Variants in IGF2BP2 observed in about 807,000 individuals in gnomAD.
The protein encoded by IGF2BP2 is insulin-like growth factor 2 mRNA-binding protein 2.
Under a neutral mutation model 75.8 loss-of-function variants are expected in IGF2BP2, and 17 were observed. The observed-to-expected ratio is 0.22, with a 90% CI of 0.15 to 0.34. The LOEUF (loss-of-function observed/expected upper bound fraction) is 0.34. Among genes scored for constraint, IGF2BP2 ranks in the 10% least tolerant of loss-of-function variants. The probability of loss-of-function intolerance (pLI) is 1.00; values close to 1 mark genes in which losing one functional copy is unlikely to be tolerated. For missense variants in IGF2BP2, 516 were observed against 772.4 expected, an observed-to-expected ratio of 0.67 and a Z score of 3.93; for synonymous variants, 288 against 295.6, an observed-to-expected ratio of 0.97 and a Z score of 0.26.
chr3:185,674,495 TA>T (rs1719003769), intron 9 of IGF2BP2, among the ~76,000 whole-genome samples: 1 of 152,286 alleles, frequency 6.6e-6, no homozygotes, highest in African/African-American at 2.4e-5. Flanking sequence ...GTCTCCCCAT[TA>T]AGAGTAAAAA....
At chr3:185,781,906 G>A (rs549298474) in intron 2 of IGF2BP2, among the ~76,000 whole-genome samples, 2 of 152,032 alleles carry the variant, frequency 1.3e-5, no homozygotes, top group Non-Finnish European at 2.9e-5. Flanking sequence ...TGCATTTGTG[G>A]GATAAGGTCC....
chr3:185,814,435 T>C (rs1289953597), intron 2 of IGF2BP2, among the ~76,000 whole-genome samples: 1 of 152,204 alleles, frequency 6.6e-6, no homozygotes, highest in African/African-American at 2.4e-5. Flanking sequence ...AATCCAAAAA[T>C]ACTATATAGC....
Position 185,689,484 on chromosome 3 carries a change from G to C in IGF2BP2, c.548C>G (p.Pro183Arg), listed in dbSNP as rs375984098. The change falls in exon 6 of 16, where the codon CCT (proline) becomes CGT (arginine). Residue 183 changes from proline to arginine, a missense_variant. Physicochemically the swap from Pro to Arg is moderately radical, Grantham distance 103. This residue lies in a region of IGF2BP2 where 312 missense variants were observed against 474.5 expected (regional missense o/e 0.66). Transcript: ENST00000382199. Reference sequence around the variant, plus strand: ...CTGTCTGGCCTGAGAAGTGCCCCCAGGGGCGTGGCCTTGCTCCCGGGAAGA... The same window carrying C: ...CTGTCTGGCCTGAGAAGTGCCCCCACGGGCGTGGCCTTGCTCCCGGGAAGA... ...DHSSREQGHAPGGTSQARQID... is the reference protein window; with the variant it reads ...DHSSREQGHARGGTSQARQID... 3 of 1,613,952 alleles carry C rather than the reference G, an allele frequency of 1.9e-6. No individual in the cohort carries two copies. Among genetic ancestry groups the C allele is most frequent in the Non-Finnish European group, 2.5e-6 (3 of 1,179,898 alleles).
intron 2 of IGF2BP2, among the ~76,000 whole-genome samples, chr3:185,811,585 A>G (rs1739833653): frequency 6.6e-6 from 1 of 152,216 alleles, no homozygotes; most frequent in Non-Finnish European, 1.5e-5. Context: ...ATTTGGGAAC[A>G]CTGGCCCTAC....
chr3:185,712,239 T>A (rs1269842474), intron 2 of IGF2BP2, among the ~76,000 whole-genome samples: 2 of 152,190 alleles, frequency 1.3e-5, no homozygotes, highest in Admixed American at 6.5e-5. Context: ...GAATACCTTT[T>A]TTCCTTGGTG....
intron 2 of IGF2BP2, among the ~76,000 whole-genome samples, chr3:185,702,795 T>C (rs1382288118): frequency 1.3e-5 from 2 of 152,098 alleles, no homozygotes; most frequent in Non-Finnish European, 2.9e-5. Context: ...CCACCTGCAG[T>C]TCACAAGTGT....
chr3:185,721,513 A>G (rs543243271), intron 2 of IGF2BP2, among the ~76,000 whole-genome samples: 5 of 152,074 alleles, frequency 3.3e-5, no homozygotes, highest in African/African-American at 1.2e-4. Context: ...CTCTTCTTTC[A>G]AGCAGTTTTT....
intron 2 of IGF2BP2, among the ~76,000 whole-genome samples, chr3:185,781,168 A>T (rs1735151922): frequency 6.6e-6 from 1 of 152,210 alleles, no homozygotes; most frequent in African/African-American, 2.4e-5. Flanking sequence ...TATCCTCAAC[A>T]TAAAGTAGAT....
chr3:185,735,880 T>C (rs1166421165), intron 2 of IGF2BP2, among the ~76,000 whole-genome samples: 1 of 152,116 alleles, frequency 6.6e-6, no homozygotes, highest in Non-Finnish European at 1.5e-5. Context: ...AGTGAATGAA[T>C]GGGGGGTGGG....
intron 2 of IGF2BP2, among the ~76,000 whole-genome samples, chr3:185,799,507 G>C (rs970804346): frequency 6.6e-6 from 1 of 152,192 alleles, no homozygotes; most frequent in African/African-American, 2.4e-5. Flanking sequence ...CCAGCACTTT[G>C]GGAGGCCGAG....
Position 185,822,431 on chromosome 3 carries a change from A to C in IGF2BP2, c.239+722T>G, listed in dbSNP as rs538174174. ...CAAAGATGTTTTCTCTTCTCTTCTC[A>C]TGTTAGCAAATCACTGTGGAGAAAT... On this transcript the variant is annotated intron_variant, in intron 2 of 15. Coordinates refer to ENST00000382199, the MANE Select transcript of IGF2BP2 (RefSeq NM_006548.6). Among the ~76,000 whole-genome samples the C allele has an allele frequency of 2.6e-5, 4 of 152,370 alleles. No homozygotes were observed. In the South Asian group the frequency reaches 8.3e-4, roughly 32 times the overall value.
At chr3:185,690,616 T>C (rs183836163) in intron 5 of IGF2BP2, among the ~76,000 whole-genome samples, 2 of 152,314 alleles carry the variant, frequency 1.3e-5, no homozygotes, top group Admixed American at 6.5e-5. Context: ...ACTGTCACCA[T>C]TGGCATCTTT....
intron 2 of IGF2BP2, among the ~76,000 whole-genome samples, chr3:185,803,320 C>G (rs1458395620): frequency 6.6e-6 from 1 of 152,204 alleles, no homozygotes; most frequent in African/African-American, 2.4e-5. Context: ...TACTGCACTC[C>G]AGTCTGGACA....
intron 2 of IGF2BP2, among the ~76,000 whole-genome samples, chr3:185,770,444 T>C (rs920904327): frequency 1.3e-5 from 2 of 152,210 alleles, no homozygotes; most frequent in Admixed American, 6.5e-5. Flanking sequence ...ATTTTATACA[T>C]TGGAAAGTAT....
chr3:185,813,193 C>T (rs985136496), intron 2 of IGF2BP2, among the ~76,000 whole-genome samples: 1 of 151,980 alleles, frequency 6.6e-6, no homozygotes, highest in Non-Finnish European at 1.5e-5. Flanking sequence ...AATTGAGTAA[C>T]CAGTACCTTT....
chr3:185,646,073 C>A (rs1713474639), intron 15 of IGF2BP2, among the ~76,000 whole-genome samples: 1 of 152,182 alleles, frequency 6.6e-6, no homozygotes, highest in Admixed American at 6.5e-5. Flanking sequence ...CACACATGAA[C>A]CCCCACCTGT....
At position 185,799,329 on chromosome 3, in the gene IGF2BP2, C is replaced by T. The variant is rs540359083; in HGVS notation, c.239+23824G>A. 2.8e-4 allele frequency among the ~76,000 whole-genome samples: 42 copies of T among 152,230 alleles called. No homozygotes were observed. The East Asian group carries it at 7.8e-3, about 28-fold the overall frequency. On this transcript the variant is annotated intron_variant, in intron 2 of 15. Transcript: ENST00000382199. ...GGGAGAATCGCTTGAGCCCAGAAGG[C>T]GGAGGCTGCAGTGAGCAGCTCCACT... is the stretch of plus-strand genomic sequence containing the variant.
intron 2 of IGF2BP2, among the ~76,000 whole-genome samples, chr3:185,784,968 AG>A (rs1735670289): frequency 6.6e-6 from 1 of 152,178 alleles, no homozygotes; most frequent in African/African-American, 2.4e-5. Context: ...TAATTTTTTC[AG>A]GGAAAATAAT....
intron 2 of IGF2BP2, among the ~76,000 whole-genome samples, chr3:185,758,355 C>T (rs1192591765): frequency 6.6e-6 from 1 of 152,154 alleles, no homozygotes; most frequent in African/African-American, 2.4e-5. Flanking sequence ...GCACAGGCTT[C>T]GGAACTAAGA....
Sources: allele counts gnomAD v4.1 joint callset (sites outside exome capture counted in the v4.1 genomes callset), GRCh38; gene constraint gnomAD v4.1.1; regional missense constraint gnomAD v4.1.1; transcripts MANE v1.5; gene names NCBI Gene and HGNC (gene_info 2026-07-23, HGNC 2026-07-21).